Variants in CCDC149 observed in about 807,000 individuals in gnomAD.
CCDC149 encodes the protein coiled-coil domain containing 149.
Under a neutral mutation model 59.9 loss-of-function variants are expected in CCDC149, and 45 were observed. The observed-to-expected ratio is 0.75, with a 90% CI of 0.59 to 0.96. The LOEUF is 0.96. Among genes scored for constraint, CCDC149 ranks in the 40% least tolerant of loss-of-function variants. The probability of loss-of-function intolerance (pLI) is 0.00; values close to 1 mark genes in which losing one functional copy is unlikely to be tolerated. For synonymous variants in CCDC149, 245 were observed against 260.6 expected (o/e 0.94, Z 0.58); for missense variants, 584 against 664.7 (o/e 0.88, Z 1.33).
intron 9 of CCDC149, 183 bp from the exon 10 acceptor site, chr4:24,822,756 A>G: frequency 2.3e-6 from 1 of 433,256 alleles, no homozygotes; most frequent in Non-Finnish European, 4.2e-6. Context: ...ATACAAATAG[A>G]AAGTACAGTG....
chr4:24,853,933 A>T (rs1717837770), intron 3 of CCDC149, among the ~76,000 whole-genome samples: 1 of 152,116 alleles, frequency 6.6e-6, no homozygotes, highest in African/African-American at 2.4e-5. Context: ...CTAAATAGCC[A>T]GGATAATCGC....
intron 1 of CCDC149, among the ~76,000 whole-genome samples, chr4:24,944,460 T>G (rs2109350592): frequency 6.6e-6 from 1 of 151,908 alleles, no homozygotes; most frequent in South Asian, 2.1e-4. Context: ...AGTGACGAGT[T>G]AATGGGTGCA....
chr4:24,909,344 G>C (rs1250579564), intron 1 of CCDC149, among the ~76,000 whole-genome samples: 5 of 152,092 alleles, frequency 3.3e-5, no homozygotes, highest in Non-Finnish European at 7.3e-5. Context: ...TCTTCCACAG[G>C]TCCTTCTGCC....
At chr4:24,968,615 A>G (rs1319647373) in intron 1 of CCDC149, among the ~76,000 whole-genome samples, 1 of 152,226 alleles carries the variant, frequency 6.6e-6, no homozygotes, top group Non-Finnish European at 1.5e-5. Context: ...CCAGTGGGTC[A>G]TGGTACAAAG....
At chr4:24,864,932 T>C (rs1718606276) in intron 3 of CCDC149, among the ~76,000 whole-genome samples, 4 of 152,196 alleles carry the variant, frequency 2.6e-5, no homozygotes, top group Admixed American at 2.0e-4. Flanking sequence ...AACTTGAGTA[T>C]GTGAGAATTT....
At chr4:24,866,756 C>T (rs1380482940) in intron 3 of CCDC149, among the ~76,000 whole-genome samples, 6 of 145,206 alleles carry the variant, frequency 4.1e-5, no homozygotes, top group Admixed American at 1.4e-4. Flanking sequence ...TGTAAAAGTT[C>T]TCATCTGTCC....
chr4:24,857,643 T>C (rs1351097515), intron 3 of CCDC149, among the ~76,000 whole-genome samples: 2 of 152,148 alleles, frequency 1.3e-5, no homozygotes, highest in Admixed American at 1.3e-4. Flanking sequence ...TAGGAAACAG[T>C]TATTTAGAGA....
intron 9 of CCDC149, chr4:24,831,122 A>G (rs1489834685): frequency 6.3e-6 from 1 of 158,930 alleles, no homozygotes; most frequent in Non-Finnish European, 1.4e-5. Flanking sequence ...GATTTCTGCC[A>G]TTAAAAGACC....
At chr4:24,890,628 T>C (rs998838828) in intron 1 of CCDC149, among the ~76,000 whole-genome samples, 1 of 152,212 alleles carries the variant, frequency 6.6e-6, no homozygotes, top group Admixed American at 6.5e-5. Flanking sequence ...CTGAAAAATA[T>C]GATTCCCCTT....
intron 1 of CCDC149, among the ~76,000 whole-genome samples, chr4:24,899,795 C>T (rs963612957): frequency 2.6e-5 from 4 of 152,166 alleles, no homozygotes; most frequent in Admixed American, 2.6e-4. Context: ...GAATGCCATA[C>T]TTGGGTACTT....
intron 12 of CCDC149, among the ~76,000 whole-genome samples, chr4:24,814,049 A>G (rs1714847621): frequency 6.6e-6 from 1 of 152,222 alleles, no homozygotes; most frequent in South Asian, 2.1e-4. Context: ...ATTCAAAATA[A>G]GTTTCCATTT....
At chr4:24,869,155 G>A (rs991317903) in intron 3 of CCDC149, among the ~76,000 whole-genome samples, 4 of 152,224 alleles carry the variant, frequency 2.6e-5, no homozygotes, top group African/African-American at 9.6e-5. Context: ...TCTACATGGT[G>A]GTGGGAGGAG....
intron 9 of CCDC149, among the ~76,000 whole-genome samples, chr4:24,824,230 T>A (rs1381877534): frequency 1.3e-5 from 2 of 152,324 alleles, no homozygotes; most frequent in East Asian, 3.9e-4. Context: ...TGGAACGAAG[T>A]GAATTTCCTG....
intron 1 of CCDC149, among the ~76,000 whole-genome samples, chr4:24,977,930 C>G (rs574488484): frequency 1.3e-5 from 2 of 152,234 alleles, no homozygotes; most frequent in East Asian, 3.9e-4. Flanking sequence ...GTCAGGAGTT[C>G]AAGTCCAGCC....
At chr4:24,840,069 G>A (rs1018303886) in intron 4 of CCDC149, among the ~76,000 whole-genome samples, 1 of 152,130 alleles carries the variant, frequency 6.6e-6, no homozygotes, top group African/African-American at 2.4e-5. Flanking sequence ...TTAAGCCAAG[G>A]GAGAATATTA....
intron 1 of CCDC149, among the ~76,000 whole-genome samples, chr4:24,953,776 A>G (rs1723383170): frequency 6.6e-6 from 1 of 152,222 alleles, no homozygotes. Context: ...CAAAGAACTA[A>G]AGGAAGATGT....
intron 1 of CCDC149, among the ~76,000 whole-genome samples, chr4:24,891,938 G>T (rs1311127143): frequency 6.6e-6 from 1 of 152,152 alleles, no homozygotes; most frequent in Non-Finnish European, 1.5e-5. Flanking sequence ...AGTTGAGGCT[G>T]CAATGAGCCA....
intron 1 of CCDC149, among the ~76,000 whole-genome samples, chr4:24,930,865 A>C (rs1345372849): frequency 6.6e-6 from 1 of 152,214 alleles, no homozygotes; most frequent in East Asian, 1.9e-4. Flanking sequence ...AACTTATAAA[A>C]CAAACTTCTG....
intron 3 of CCDC149, among the ~76,000 whole-genome samples, chr4:24,856,661 A>G (rs1025682584): frequency 6.6e-6 from 1 of 152,240 alleles, no homozygotes; most frequent in African/African-American, 2.4e-5. Context: ...CAGGCTGACC[A>G]CAAGGACTAC....
Sources: gnomAD v4.1 joint callset for allele counts (sites outside exome capture counted in the v4.1 genomes callset) on GRCh38, gnomAD v4.1.1 for gene constraint, MANE v1.5 for transcripts, NCBI Gene and HGNC (gene_info 2026-07-23, HGNC 2026-07-21) for gene names.